Variants in PIBF1 observed in about 807,000 individuals in gnomAD.
PIBF1 encodes the protein progesterone-induced-blocking factor 1.
Under a neutral mutation model 112.5 loss-of-function variants are expected in PIBF1, and 90 were observed. That is an observed-to-expected ratio of 0.80 (90% CI 0.67 to 0.95). PIBF1 has a LOEUF of 0.95. PIBF1 is among the 40% of genes least tolerant of loss of function. The pLI is 0.00. For missense variants in PIBF1, 915 were observed against 852.3 expected, an observed-to-expected ratio of 1.07 and a Z score of -0.92; for synonymous variants, 301 against 288.6, an observed-to-expected ratio of 1.04 and a Z score of -0.44.
chr13:72,784,654 G>A (rs557600068), intron 2 of PIBF1, among the ~76,000 whole-genome samples: 1 of 151,170 alleles, frequency 6.6e-6, no homozygotes, highest in Non-Finnish European at 1.5e-5. Context: ...AGCTACTTCC[G>A]AGGCTGAGGC....
intron 9 of PIBF1, among the ~76,000 whole-genome samples, chr13:72,841,819 A>C (rs373962817): frequency 6.6e-6 from 1 of 152,174 alleles, no homozygotes; most frequent in Non-Finnish European, 1.5e-5. Flanking sequence ...GTGGCCCGTG[A>C]GGTCTAAATG....
intron 5 of PIBF1, among the ~76,000 whole-genome samples, chr13:72,819,655 T>C (rs1049617725): frequency 1.1e-4 from 16 of 151,988 alleles, no homozygotes; most frequent in Non-Finnish European, 1.6e-4. Flanking sequence ...AATTTTTAGA[T>C]CCCATCATAA....
rs1481299051 is a variant in PIBF1 at position 72,821,907 on chromosome 13, C to A, written c.731C>A (p.Ala244Asp). 1 of 1,612,582 alleles carries A rather than the reference C, an allele frequency of 6.2e-7. No individual in the cohort carries two copies. Among genetic ancestry groups the A allele is most frequent in the Non-Finnish European group, 8.5e-7 (1 of 1,179,092 alleles). The part of the protein sequence containing the change: ...SEVQIRCQRL[A>D]LELADTKQLI... ...GTTCAAATTAGATGTCAACGTTTGG[C>A]CTTAGAATTAGCAGACACAAAACAG... The change falls in exon 6 of 18, where the codon GCC becomes GAC. Residue 244 changes from alanine to aspartate, a missense_variant. Transcript: ENST00000326291.
At position 72,918,533 on chromosome 13, in the gene PIBF1, G is replaced by A. The variant is rs564611974; in HGVS notation, c.1730+1367G>A. On this transcript the variant is annotated intron_variant, in intron 13 of 17. Transcript: ENST00000326291. The stretch of plus-strand genomic sequence containing the variant: ...CTCCCAAGTAGCTGGGACTACAGGC[G>A]TGCACCACCACACCCTGCTAATTTT... Among the ~76,000 whole-genome samples, 15 of 146,840 alleles carry A rather than the reference G, an allele frequency of 1.0e-4. No homozygotes were observed. The South Asian group carries it at 2.9e-3, about 28-fold the overall frequency.
At chr13:72,931,718 G>GTATATATATA (rs3077704) in intron 14 of PIBF1, among the ~76,000 whole-genome samples, 8,394 of 101,594 alleles carry the variant, frequency 0.083, 686 homozygotes, top group Admixed American at 0.2. Context: ...TTTAAACTAC[G>GTATATATATA]TATATATATA....
intron 14 of PIBF1, among the ~76,000 whole-genome samples, chr13:72,959,796 G>A (rs1181430816): frequency 6.6e-6 from 1 of 152,152 alleles, no homozygotes; most frequent in Non-Finnish European, 1.5e-5. Flanking sequence ...AACAAAGGAA[G>A]AATAACACTT....
chr13:72,927,945 G>GTATATA lies in PIBF1; in HGVS notation c.1731-3211_1731-3206dup, dbSNP rs774258929. On this transcript the variant is annotated intron_variant, in intron 13 of 17. Transcript: ENST00000326291. ...TTAATACCATTTCTAATATATGTGTGTATATATATATATACACATATATAT... is the reference window on the plus strand; with the variant it reads ...TTAATACCATTTCTAATATATGTGTGTATATATATATATATATATACACATATATAT... 2.9e-3 allele frequency among the ~76,000 whole-genome samples: 253 copies of GTATATA among 87,858 alleles called. 5 individuals carry two copies. Among genetic ancestry groups the GTATATA allele is most frequent in the African/African-American group, 0.014 (238 of 17,374 alleles). The allele number at this position is 87,858 out of a possible 152,430, so 57.6% of individuals were successfully genotyped here.
Position 72,821,920 on chromosome 13 carries a change from A to G in PIBF1, c.744A>G (p.Ala248=). The change falls in exon 6 of 18, where the codon GCA becomes GCG. Residue 248 remains alanine, a synonymous_variant. Coordinates refer to ENST00000326291, the MANE Select transcript of PIBF1 (RefSeq NM_006346.4). ...GTCAACGTTTGGCCTTAGAATTAGC[A>G]GACACAAAACAGTTAATTCAGCAAG... is the stretch of plus-strand genomic sequence containing the variant. ...IRCQRLALEL[A]DTKQLIQQGD... 6.2e-7 allele frequency: 1 copy of G among 1,612,810 alleles called. No homozygotes were observed. The highest frequency in any genetic ancestry group is 8.5e-7 in the Non-Finnish European group (1 of 1,179,182).
At chr13:72,820,396 G>A (rs1354926857) in intron 5 of PIBF1, among the ~76,000 whole-genome samples, 1 of 152,120 alleles carries the variant, frequency 6.6e-6, no homozygotes, top group African/African-American at 2.4e-5. Context: ...TATATGTGAT[G>A]ATCTTTCGGG....
intron 13 of PIBF1, 104 bp downstream of exon 13, chr13:72,917,270 T>G (rs1218548055): frequency 4.0e-6 from 2 of 499,646 alleles, no homozygotes; most frequent in Admixed American, 7.8e-5. Context: ...TCCTTTATTC[T>G]TACTCTGCAT....
chr13:72,958,472 T>C (rs751552601), intron 14 of PIBF1, among the ~76,000 whole-genome samples: 29 of 152,184 alleles, frequency 1.9e-4, no homozygotes, highest in Non-Finnish European at 3.2e-4. Context: ...GGACCATACT[T>C]TGTGGATCTT....
intron 16 of PIBF1, among the ~76,000 whole-genome samples, chr13:72,984,446 C>A (rs1412721114): frequency 1.3e-5 from 2 of 152,100 alleles, no homozygotes; most frequent in Non-Finnish European, 2.9e-5. Context: ...AGGCTTTTTA[C>A]CCAAAATACA....
intron 9 of PIBF1, among the ~76,000 whole-genome samples, chr13:72,835,795 A>C (rs2037329581): frequency 6.6e-6 from 1 of 152,176 alleles, no homozygotes; most frequent in South Asian, 2.1e-4. Flanking sequence ...CGTATTAGGT[A>C]ATCCTGAAGA....
chr13:72,809,969 T>A (rs2035931852), intron 5 of PIBF1, among the ~76,000 whole-genome samples: 1 of 152,228 alleles, frequency 6.6e-6, no homozygotes, highest in Non-Finnish European at 1.5e-5. Flanking sequence ...TTTCCTTTTG[T>A]AATTTTTTCC....
intron 2 of PIBF1, among the ~76,000 whole-genome samples, chr13:72,791,663 C>T (rs978269065): frequency 2.6e-5 from 4 of 151,478 alleles, no homozygotes; most frequent in African/African-American, 9.7e-5. Flanking sequence ...GACGGAGTCT[C>T]GCTCTGTCTC....
intron 8 of PIBF1, among the ~76,000 whole-genome samples, chr13:72,830,573 C>G (rs1453913363): frequency 6.6e-6 from 1 of 152,200 alleles, no homozygotes; most frequent in Non-Finnish European, 1.5e-5. Context: ...TGATGGATTA[C>G]GTTTATTGAT....
At chr13:72,976,955 G>A (rs2043037780) in intron 16 of PIBF1, among the ~76,000 whole-genome samples, 1 of 152,128 alleles carries the variant, frequency 6.6e-6, no homozygotes, top group Non-Finnish European at 1.5e-5. Context: ...TACTCTCAGA[G>A]TGGGCAAAGA....
intron 15 of PIBF1, among the ~76,000 whole-genome samples, chr13:72,971,491 C>T (rs1000193080): frequency 2.6e-5 from 4 of 152,104 alleles, no homozygotes; most frequent in Admixed American, 6.6e-5. Flanking sequence ...CTTTTCAACT[C>T]CTCAGCTCTT....
intron 10 of PIBF1, among the ~76,000 whole-genome samples, chr13:72,883,941 C>T (rs9573053): frequency 0.73 from 111,135 of 151,968 alleles, 40,939 homozygotes; most frequent in South Asian, 0.8. Context: ...TATACGTACA[C>T]ACATACATAC....
Sources: gnomAD v4.1 joint callset for allele counts (sites outside exome capture counted in the v4.1 genomes callset) on GRCh38, gnomAD v4.1.1 for gene constraint, MANE v1.5 for transcripts, NCBI Gene and HGNC (gene_info 2026-07-23, HGNC 2026-07-21) for gene names.